Variants in GRIK4 observed in about 807,000 individuals in gnomAD.
The protein encoded by GRIK4 is glutamate receptor ionotropic, kainate 4.
GRIK4 carries 40 observed loss-of-function variants against 104.9 expected under a neutral mutation model. The ratio of observed to expected loss-of-function variants is 0.38; its 90% CI spans 0.30 to 0.50. The LOEUF (loss-of-function observed/expected upper bound fraction) is 0.50, where lower values mean the gene tolerates loss of function less well. GRIK4 is among the 20% of genes least tolerant of loss of function. The probability of loss-of-function intolerance (pLI) is 0.93; values close to 1 mark genes in which losing one functional copy is unlikely to be tolerated. For synonymous variants in GRIK4, 485 were observed against 524.9 expected (o/e 0.92, Z 1.04); for missense variants, 1,047 against 1,308.1 (o/e 0.80, Z 3.08).
intron 13 of GRIK4, among the ~76,000 whole-genome samples, chr11:120,914,889 C>T (rs1943073915): frequency 6.6e-6 from 1 of 152,060 alleles, no homozygotes; most frequent in African/African-American, 2.4e-5. Flanking sequence ...GACAGCTGTC[C>T]AGTGATCAGG....
intron 19 of GRIK4, among the ~76,000 whole-genome samples, chr11:120,968,888 G>A (rs1477278063): frequency 6.6e-6 from 1 of 152,232 alleles, no homozygotes. Flanking sequence ...GAGTGAAAAA[G>A]CACAGAGCTT....
At chr11:120,694,612 T>C (rs920794369) in intron 3 of GRIK4, among the ~76,000 whole-genome samples, 1 of 152,110 alleles carries the variant, frequency 6.6e-6, no homozygotes, top group African/African-American at 2.4e-5. Flanking sequence ...TGTGCCAGCT[T>C]CCTGAGGTCC....
At chr11:120,733,301 T>C (rs1392271544) in intron 3 of GRIK4, among the ~76,000 whole-genome samples, 1 of 152,188 alleles carries the variant, frequency 6.6e-6, no homozygotes, top group Non-Finnish European at 1.5e-5. Context: ...ATTGGAGAAT[T>C]TAGTCCATTT....
At chr11:120,668,976 T>C (rs1213990235) in intron 3 of GRIK4, among the ~76,000 whole-genome samples, 1 of 152,218 alleles carries the variant, frequency 6.6e-6, no homozygotes, top group Non-Finnish European at 1.5e-5. Flanking sequence ...TAATTGATAA[T>C]AGTACTACTG....
intron 19 of GRIK4, among the ~76,000 whole-genome samples, chr11:120,979,262 G>A (rs1273828248): frequency 6.6e-6 from 1 of 152,166 alleles, no homozygotes; most frequent in Non-Finnish European, 1.5e-5. Context: ...TTTAATATTT[G>A]TAAAAACTTC....
intron 3 of GRIK4, among the ~76,000 whole-genome samples, chr11:120,734,016 G>A (rs1265958623): frequency 1.3e-5 from 2 of 152,148 alleles, no homozygotes; most frequent in South Asian, 2.1e-4. Flanking sequence ...GATTACAGGC[G>A]TGAGCCACTG....
In GRIK4 at chr11:120,555,035, G is replaced by A. The variant is rs947996846; in HGVS notation, c.-159+43148G>A. Among the ~76,000 whole-genome samples the A allele has an allele frequency of 1.3e-5, 2 of 152,234 alleles. No individual in the cohort carries two copies. Among genetic ancestry groups the A allele is most frequent in the African/African-American group, 4.8e-5 (2 of 41,470 alleles). Reference sequence around the variant, plus strand: ...CATCCCGTAAAGGTAGTCCATGCGAGTCCACAGAAGCTGGTTGCCTCTGAA... The same window carrying A: ...CATCCCGTAAAGGTAGTCCATGCGAATCCACAGAAGCTGGTTGCCTCTGAA... On this transcript the variant is annotated intron_variant, in intron 1 of 20. Coordinates refer to ENST00000527524, the MANE Select transcript of GRIK4 (RefSeq NM_014619.5). This position sits in a 1 kb window ranked among gnomAD's most constrained non-coding sequence, Gnocchi z 5.3.
At chr11:120,651,685 C>T (rs552522833) in intron 1 of GRIK4, among the ~76,000 whole-genome samples, 4 of 152,288 alleles carry the variant, frequency 2.6e-5, no homozygotes, top group East Asian at 1.9e-4. Context: ...AGTGAATGCT[C>T]ATTACCCCTG....
chr11:120,680,254 T>A (rs941264238), intron 3 of GRIK4, among the ~76,000 whole-genome samples: 1 of 152,154 alleles, frequency 6.6e-6, no homozygotes, highest in Non-Finnish European at 1.5e-5. Context: ...ATTTTTATAT[T>A]TTTAGTAGAG....
In GRIK4 at chr11:120,721,809, C is replaced by A. The variant is rs1950938087; in HGVS notation, c.82+61409C>A. Among the ~76,000 whole-genome samples the A allele has an allele frequency of 4.6e-5, 7 of 152,128 alleles. No homozygotes were observed. The South Asian group carries it at 1.5e-3, about 32-fold the overall frequency. On this transcript the variant is annotated intron_variant, in intron 3 of 20. Transcript: ENST00000527524. ...AGGAACTGGCTAACCCTGGGAGGGG[C>A]AGTCTCTCCCGGGTCAGCAAGACCC...
At position 120,603,427 on chromosome 11, in the gene GRIK4, T is replaced by G. The variant is rs144873941; in HGVS notation, c.-158-50258T>G. Among the ~76,000 whole-genome samples the G allele has an allele frequency of 7.9e-4, 121 of 152,362 alleles. 2 individuals carry two copies. The East Asian group carries it at 0.02, about 25-fold the overall frequency. Reference sequence around the variant, plus strand: ...GTCAGCAAACACTACAAATCAGGGCTTTTTATTTCTGCAGTTCGTTGTTTA... The same window carrying G: ...GTCAGCAAACACTACAAATCAGGGCGTTTTATTTCTGCAGTTCGTTGTTTA... On this transcript the variant is annotated intron_variant, in intron 1 of 20. Coordinates refer to ENST00000527524, the MANE Select transcript of GRIK4 (RefSeq NM_014619.5).
chr11:120,928,031 G>A (rs1414886153), intron 13 of GRIK4, among the ~76,000 whole-genome samples: 5 of 151,856 alleles, frequency 3.3e-5, no homozygotes, highest in African/African-American at 7.3e-5. Flanking sequence ...CCTGGCCAAC[G>A]TGGTGAAACC....
At chr11:120,760,355 C>A (rs917739606) in intron 3 of GRIK4, among the ~76,000 whole-genome samples, 1 of 147,708 alleles carries the variant, frequency 6.8e-6, no homozygotes, top group Admixed American at 6.8e-5. Context: ...TATATACACA[C>A]AATGGAATAT....
intron 13 of GRIK4, among the ~76,000 whole-genome samples, chr11:120,914,652 G>A (rs1438547382): frequency 6.6e-6 from 1 of 152,174 alleles, no homozygotes; most frequent in Admixed American, 6.5e-5. Context: ...AGAGGGGGTG[G>A]AGGAGAACAG....
At chr11:120,722,001 G>A (rs1263424418) in intron 3 of GRIK4, among the ~76,000 whole-genome samples, 1 of 152,140 alleles carries the variant, frequency 6.6e-6, no homozygotes, top group Non-Finnish European at 1.5e-5. Flanking sequence ...ACTTTACTGA[G>A]GAGGAATCTT....
chr11:120,642,715 G>A lies in GRIK4; in HGVS notation c.-158-10970G>A, dbSNP rs577782505. Among the ~76,000 whole-genome samples, 527 of 152,262 alleles carry A rather than the reference G, an allele frequency of 3.5e-3. 3 individuals are homozygous for A. The highest frequency in any genetic ancestry group is 5.9e-3 in the Non-Finnish European group (402 of 68,012). ...CCTGCCTTCAGCGGGGCTCAGCCAC[G>A]GCCAGCAGCGGCCTTGGGTTCTCCT... On this transcript the variant is annotated intron_variant, in intron 1 of 20. Coordinates refer to ENST00000527524, the MANE Select transcript of GRIK4 (RefSeq NM_014619.5).
At chr11:120,679,341 A>G (rs1387685139) in intron 3 of GRIK4, among the ~76,000 whole-genome samples, 2 of 152,166 alleles carry the variant, frequency 1.3e-5, no homozygotes, top group African/African-American at 2.4e-5. Context: ...TAACTTTTTG[A>G]GTAAACAGCC....
intron 13 of GRIK4, among the ~76,000 whole-genome samples, chr11:120,933,771 G>C (rs183840253): frequency 2.0e-5 from 3 of 152,178 alleles, no homozygotes; most frequent in Non-Finnish European, 4.4e-5. Context: ...CCCAGAGAAG[G>C]GAAGTAAATT....
At chr11:120,687,160 G>A (rs1202541577) in intron 3 of GRIK4, among the ~76,000 whole-genome samples, 1 of 152,248 alleles carries the variant, frequency 6.6e-6, no homozygotes, top group Non-Finnish European at 1.5e-5. Context: ...TGTAAATAGA[G>A]TAGATGACAT....
Sources: allele counts gnomAD v4.1 joint callset (sites outside exome capture counted in the v4.1 genomes callset), GRCh38; gene constraint gnomAD v4.1.1; non-coding constraint Gnocchi (gnomAD v3.1); transcripts MANE v1.5; gene names NCBI Gene and HGNC (gene_info 2026-07-23, HGNC 2026-07-21).